Variants in ANO3 observed in about 807,000 individuals in gnomAD.
ANO3 encodes anoctamin 3, also known as anoctamin-3.
A neutral mutation model predicts 144.8 loss-of-function variants in ANO3; 99 were observed. That is an observed-to-expected ratio of 0.68 (90% CI 0.58 to 0.81). ANO3 has a LOEUF of 0.81. Among genes scored for constraint, ANO3 ranks in the 30% least tolerant of loss-of-function variants. The pLI, the probability that ANO3 is intolerant of heterozygous loss-of-function variation, is 0.00. For synonymous variants in ANO3, 414 were observed against 392.6 expected, an observed-to-expected ratio of 1.05 and a Z score of -0.64; for missense variants, 905 against 1,202.2, an observed-to-expected ratio of 0.75 and a Z score of 3.66.
chr11:26,306,499 T>A (rs1030646596), upstream of ANO3, among the ~76,000 whole-genome samples: 3 of 151,192 alleles, frequency 2.0e-5, no homozygotes, highest in African/African-American at 7.4e-5. Flanking sequence ...ACCTCGTCTC[T>A]ACAAAAAATA....
chr11:26,189,091 A>G (rs1211646000), exon 1 of ANO3: 1 of 509,320 alleles, frequency 2.0e-6, no homozygotes, highest in Non-Finnish European at 2.5e-6. Context: ...ACTGATTAGA[A>G]TACTGTGATT....
At chr11:26,493,365 C>G (rs1860792175) in intron 4 of ANO3, among the ~76,000 whole-genome samples, 1 of 152,108 alleles carries the variant, frequency 6.6e-6, no homozygotes, top group Admixed American at 6.5e-5. Context: ...CAGGGGCATG[C>G]TGGAAAGGAC....
chr11:26,505,011 C>CAAAAAAAA (rs61530995), intron 4 of ANO3, among the ~76,000 whole-genome samples: 1 of 63,666 alleles, frequency 1.6e-5, no homozygotes, highest in African/African-American at 6.6e-5. Context: ...GACTCCACCT[C>CAAAAAAAA]AAAAAAAAAA....
intron 1 of ANO3, among the ~76,000 whole-genome samples, chr11:26,352,613 A>C (rs1564978577): frequency 6.6e-6 from 1 of 152,210 alleles, no homozygotes; most frequent in South Asian, 2.1e-4. Flanking sequence ...TTGCCAGTAC[A>C]TAAATATTTA....
chr11:26,276,455 C>T (rs1853562292), intron 1 of ANO3, among the ~76,000 whole-genome samples: 1 of 152,118 alleles, frequency 6.6e-6, no homozygotes, highest in Non-Finnish European at 1.5e-5. Context: ...TTCCAAGAAA[C>T]ACCAACACTT....
intron 1 of ANO3, among the ~76,000 whole-genome samples, chr11:26,239,847 T>A (rs956036458): frequency 6.6e-6 from 1 of 152,216 alleles, no homozygotes; most frequent in Admixed American, 6.5e-5. Context: ...TTCTCCATAA[T>A]TGAAGATTTT....
Position 26,364,870 on chromosome 11 carries a change from A to T in ANO3, c.46+32549A>T, listed in dbSNP as rs938151128. 3.3e-5 allele frequency among the ~76,000 whole-genome samples: 5 copies of T among 152,302 alleles called. No individual in the cohort carries two copies. The South Asian group carries it at 8.3e-4, about 25-fold the overall frequency. Reference sequence around the variant, plus strand: ...GCACCTGCCCCACCCCAAATCTCATATCCCTCTCCCATTGCGAAATACAAT... The same window carrying T: ...GCACCTGCCCCACCCCAAATCTCATTTCCCTCTCCCATTGCGAAATACAAT... On this transcript the variant is annotated intron_variant, in intron 1 of 26. Coordinates refer to ENST00000256737, the MANE Select transcript of ANO3 (RefSeq NM_031418.4).
intron 1 of ANO3, among the ~76,000 whole-genome samples, chr11:26,346,057 G>A (rs1283640591): frequency 1.3e-5 from 2 of 152,276 alleles, no homozygotes; most frequent in East Asian, 3.9e-4. Context: ...TGGCTATTGT[G>A]CACATGTTAT....
At position 26,405,588 on chromosome 11, in the gene ANO3, T is replaced by C. The variant is rs199515776; in HGVS notation, c.47-36330T>C. Among the ~76,000 whole-genome samples the C allele has an allele frequency of 4.1e-4, 63 of 151,990 alleles. 7 individuals carry two copies. The highest frequency in any genetic ancestry group is 3.1e-3 in the East Asian group (16 of 5,140). ...AGTGCATGGCTACCCTCTATAAATG[T>C]CATGCATAACTGATTATAAAGAACA... On this transcript the variant is annotated intron_variant, in intron 1 of 26. Transcript: ENST00000256737.
intron 1 of ANO3, among the ~76,000 whole-genome samples, chr11:26,365,979 T>TTTTTTTTTTA (rs1856064785): frequency 8.0e-5 from 2 of 25,012 alleles, no homozygotes; most frequent in Non-Finnish European, 1.6e-4. Context: ...TATATATATA[T>TTTTTTTTTTA]ATATATATAT....
chr11:26,611,164 T>G (rs1852088059), intron 17 of ANO3, among the ~76,000 whole-genome samples: 1 of 152,134 alleles, frequency 6.6e-6, no homozygotes, highest in Non-Finnish European at 1.5e-5. Context: ...ATTTACAATT[T>G]GGGGTTTCGT....
Position 26,553,253 on chromosome 11 carries a change from G to T in ANO3, c.1294G>T (p.Glu432Ter), listed in dbSNP as rs775046397. Residue 432 changes from glutamate to a stop codon, truncating the protein, a stop_gained, in exon 13 of 27, where the codon GAA becomes TAA. Coordinates refer to ENST00000256737, the MANE Select transcript of ANO3 (RefSeq NM_031418.4). LOFTEE classifies it high-confidence loss of function. ...TTGTTTTTGTTTTTTCTCAAGCCAA[G>T]AAATTTGTAAAGCCACTGAAGTCTT... ...FTMNNSQVSQ[E>*]ICKATEVFMC... 7.5e-6 allele frequency: 10 copies of T among 1,331,614 alleles called. No homozygotes were observed. The highest frequency in any genetic ancestry group is 1.1e-5 in the Non-Finnish European group (10 of 952,114). 82.5% of individuals were successfully genotyped at this position (1,331,614 alleles called of 1,614,324 possible).
At chr11:26,529,581 A>G (rs1215075900) in intron 7 of ANO3, among the ~76,000 whole-genome samples, 3 of 146,580 alleles carry the variant, frequency 2.0e-5, no homozygotes, top group African/African-American at 7.6e-5. Flanking sequence ...GAGTTGGCCA[A>G]AGAAATATTG....
At chr11:26,269,887 A>C (rs768722824) in intron 1 of ANO3, among the ~76,000 whole-genome samples, 2 of 152,198 alleles carry the variant, frequency 1.3e-5, no homozygotes, top group African/African-American at 2.4e-5. Context: ...AGGGTCTTTA[A>C]GGGGTAATTA....
intron 13 of ANO3, among the ~76,000 whole-genome samples, chr11:26,554,329 T>C (rs760666736): frequency 1.6e-4 from 24 of 152,176 alleles, no homozygotes; most frequent in Non-Finnish European, 3.1e-4. Context: ...TCTTTACCTA[T>C]TATCAAAATT....
chr11:26,337,883 C>A (rs138909216), intron 1 of ANO3, among the ~76,000 whole-genome samples: 2,131 of 151,854 alleles, frequency 0.014, 47 homozygotes, highest in African/African-American at 0.048. Flanking sequence ...TGCAGTGAGC[C>A]GAGATTGCAC....
At chr11:26,340,237 C>T (rs1855320715) in intron 1 of ANO3, among the ~76,000 whole-genome samples, 1 of 152,172 alleles carries the variant, frequency 6.6e-6, no homozygotes, top group Non-Finnish European at 1.5e-5. Context: ...GTGGCAAAAT[C>T]CTCCATAACT....
At chr11:26,424,106 T>C (rs1015151424) in intron 1 of ANO3, among the ~76,000 whole-genome samples, 1 of 151,990 alleles carries the variant, frequency 6.6e-6, no homozygotes, top group African/African-American at 2.4e-5. Flanking sequence ...AGAATATTTA[T>C]CTCCAACTCG....
intron 13 of ANO3, among the ~76,000 whole-genome samples, chr11:26,557,322 G>A (rs1028287226): frequency 6.6e-6 from 1 of 151,722 alleles, no homozygotes; most frequent in Admixed American, 6.6e-5. Context: ...TTAGCCGGGC[G>A]TGGTGGCGGG....
Sources: gnomAD v4.1 joint callset for allele counts (sites outside exome capture counted in the v4.1 genomes callset) on GRCh38, gnomAD v4.1.1 for gene constraint, MANE v1.5 for transcripts, NCBI Gene and HGNC (gene_info 2026-07-23, HGNC 2026-07-21) for gene names.